Variants in TENM4 observed in about 807,000 individuals in gnomAD.
The protein encoded by TENM4 is teneurin-4.
Under a neutral mutation model 243.3 loss-of-function variants are expected in TENM4, and 82 were observed. The ratio of observed to expected loss-of-function variants is 0.34; its 90% CI spans 0.28 to 0.40. The LOEUF (loss-of-function observed/expected upper bound fraction) is 0.40. Ranked by LOEUF, TENM4 falls within the 10% of genes least tolerant of loss-of-function variation. The probability of loss-of-function intolerance (pLI) is 1.00; values close to 1 mark genes in which losing one functional copy is unlikely to be tolerated. For missense variants in TENM4, 3,138 were observed against 3,673.3 expected (o/e 0.85, Z 3.77); for synonymous variants, 1,412 against 1,456.3 (o/e 0.97, Z 0.69).
chr11:78,844,712 G>A (rs1194246445), intron 12 of TENM4, among the ~76,000 whole-genome samples: 1 of 151,988 alleles, frequency 6.6e-6, no homozygotes, highest in Non-Finnish European at 1.5e-5. Context: ...AAGCCCACAT[G>A]AGGACGAGGA....
At chr11:79,108,583 G>A (rs1861429357) in intron 4 of TENM4, among the ~76,000 whole-genome samples, 2 of 152,092 alleles carry the variant, frequency 1.3e-5, no homozygotes, top group Admixed American at 1.3e-4. Context: ...GGAGGTGGCT[G>A]ACTAATATGC....
intron 2 of TENM4, among the ~76,000 whole-genome samples, chr11:79,294,599 AGC>A (rs1408403248): frequency 1.3e-5 from 2 of 151,488 alleles, no homozygotes; most frequent in African/African-American, 4.9e-5. Flanking sequence ...CTGTAATCCC[AGC>A]ACTTTGGGAG....
At chr11:79,359,139 A>G (rs1857548535) in intron 1 of TENM4, among the ~76,000 whole-genome samples, 1 of 152,064 alleles carries the variant, frequency 6.6e-6, no homozygotes. Flanking sequence ...GGTGTTGCAT[A>G]CCTGTAGTCC....
chr11:78,910,419 TAGCAGTGCTGAG>T (rs1390145213), intron 6 of TENM4, among the ~76,000 whole-genome samples: 14 of 152,000 alleles, frequency 9.2e-5, no homozygotes, highest in Admixed American at 7.2e-4. Context: ...GATGGTGATG[TAGCAGTGCTGAG>T]AGCTTAGCTA....
chr11:79,126,282 G>A (rs1861874250), intron 4 of TENM4, among the ~76,000 whole-genome samples: 1 of 152,190 alleles, frequency 6.6e-6, no homozygotes, highest in Non-Finnish European at 1.5e-5. Flanking sequence ...GGGTTCAAAA[G>A]ATATACCCTT....
intron 28 of TENM4, among the ~76,000 whole-genome samples, chr11:78,693,077 C>T (rs945184377): frequency 6.6e-6 from 1 of 152,138 alleles, no homozygotes; most frequent in Non-Finnish European, 1.5e-5. Flanking sequence ...AGCAGGTAGA[C>T]AGTACTCAGT....
intron 7 of TENM4, among the ~76,000 whole-genome samples, chr11:78,902,715 G>A (rs1855958855): frequency 6.6e-6 from 1 of 152,232 alleles, no homozygotes; most frequent in Non-Finnish European, 1.5e-5. Flanking sequence ...ATACATGCTA[G>A]GGGTTATTAG....
chr11:79,250,372 C>T (rs1442150737), intron 2 of TENM4, among the ~76,000 whole-genome samples: 1 of 152,174 alleles, frequency 6.6e-6, no homozygotes, highest in African/African-American at 2.4e-5. Context: ...AAGCAGGATG[C>T]CAGGCTCAGG....
At chr11:79,130,026 C>A (rs995260551) in intron 4 of TENM4, among the ~76,000 whole-genome samples, 2 of 152,164 alleles carry the variant, frequency 1.3e-5, no homozygotes, top group Admixed American at 6.5e-5. Flanking sequence ...CTGGTATACA[C>A]CACTGAGAGA....
At chr11:79,094,832 C>T (rs188846762) in intron 4 of TENM4, among the ~76,000 whole-genome samples, 20 of 152,274 alleles carry the variant, frequency 1.3e-4, no homozygotes, top group Admixed American at 3.9e-4. Flanking sequence ...AGGGAGTTTG[C>T]GGAAGATTCA....
In TENM4 at chr11:79,075,720, T is replaced by C. The variant is rs1232111525; in HGVS notation, c.-65-5711A>G. On this transcript the variant is annotated intron_variant, in intron 4 of 33. Transcript: ENST00000278550. ...AGCATGTGGCCCCCAGGTGAGCACA[T>C]TGCCACTGACGCCATCTGTGAGATG... 3.3e-5 allele frequency among the ~76,000 whole-genome samples: 5 copies of C among 152,304 alleles called. No homozygotes were observed. The South Asian group carries it at 8.3e-4, about 25-fold the overall frequency.
chr11:79,418,384 A>G (rs886582664), intron 1 of TENM4, among the ~76,000 whole-genome samples: 1 of 152,226 alleles, frequency 6.6e-6, no homozygotes, highest in South Asian at 2.1e-4. Context: ...TACAGTATGC[A>G]GGACATGAAA....
intron 6 of TENM4, among the ~76,000 whole-genome samples, chr11:79,042,342 C>T (rs1016191118): frequency 6.6e-6 from 1 of 152,196 alleles, no homozygotes; most frequent in Admixed American, 6.5e-5. Flanking sequence ...TCTGTGTCCC[C>T]CACAAATTCA....
intron 4 of TENM4, among the ~76,000 whole-genome samples, chr11:79,111,437 T>C (rs1178060850): frequency 6.6e-5 from 10 of 152,012 alleles, no homozygotes; most frequent in African/African-American, 1.9e-4. Flanking sequence ...CTCAGCTACT[T>C]GGGAGGCTGA....
intron 7 of TENM4, among the ~76,000 whole-genome samples, chr11:78,896,395 G>GCCA (rs1257006563): frequency 6.6e-6 from 1 of 152,106 alleles, no homozygotes; most frequent in Non-Finnish European, 1.5e-5. Context: ...GGTCTTCCAA[G>GCCA]CCACGGTCAT....
intron 12 of TENM4, among the ~76,000 whole-genome samples, chr11:78,827,490 T>TTTATTTAC (rs1368921834): frequency 1.3e-5 from 2 of 151,466 alleles, no homozygotes; most frequent in Non-Finnish European, 2.9e-5. Context: ...TATTTATTTA[T>TTTATTTAC]TTATTTATTT....
intron 20 of TENM4, among the ~76,000 whole-genome samples, chr11:78,736,479 T>TGTGTGCGCGC (rs796898751): frequency 7.4e-4 from 74 of 99,392 alleles, no homozygotes; most frequent in African/African-American, 1.8e-3. Context: ...TGTGTGTGTG[T>TGTGTGCGCGC]GCGCGCGCGT....
At chr11:79,424,833 C>G (rs776553486) in intron 1 of TENM4, among the ~76,000 whole-genome samples, 8 of 150,874 alleles carry the variant, frequency 5.3e-5, no homozygotes, top group Non-Finnish European at 1.2e-4. Flanking sequence ...ACTCAGGAGG[C>G]TAAGGCAGGA....
At chr11:78,866,002 T>C (rs758107989) in intron 9 of TENM4, among the ~76,000 whole-genome samples, 3 of 152,244 alleles carry the variant, frequency 2.0e-5, no homozygotes, top group Non-Finnish European at 4.4e-5. Context: ...TTGATGATAA[T>C]GAAATGACAA....
Sources: gnomAD v4.1 joint callset for allele counts (sites outside exome capture counted in the v4.1 genomes callset) on GRCh38, gnomAD v4.1.1 for gene constraint, MANE v1.5 for transcripts, NCBI Gene and HGNC (gene_info 2026-07-23, HGNC 2026-07-21) for gene names.